SVIL: variants seen among roughly 807,000 people sequenced by gnomAD.
SVIL encodes archvillin.
A neutral mutation model predicts 240.4 loss-of-function variants in SVIL; 101 were observed. The ratio of observed to expected loss-of-function variants is 0.42; its 90% CI spans 0.36 to 0.50. The LOEUF (loss-of-function observed/expected upper bound fraction) is 0.50. Among genes scored for constraint, SVIL ranks in the 20% least tolerant of loss-of-function variants. SVIL has a pLI of 0.01. For missense variants in SVIL, 2,512 were observed against 2,818.7 expected (o/e 0.89, Z 2.46); for synonymous variants, 999 against 1,100.0 (o/e 0.91, Z 1.82).
At chr10:29,644,382 C>T (rs1958587787) in intron 3 of SVIL, among the ~76,000 whole-genome samples, 1 of 152,150 alleles carries the variant, frequency 6.6e-6, no homozygotes, top group South Asian at 2.1e-4. Flanking sequence ...GGAGCCTTCT[C>T]TGAGCATGTT....
Position 29,533,022 on chromosome 10 carries a change from G to T in SVIL, c.1345C>A (p.Leu449Ile). Reference sequence around the variant, plus strand: ...AGTAGGGTTTTCTTGCTTTGCTCGAGAGCTTCAGTGAAGCACACATCTTCT... The same window carrying T: ...AGTAGGGTTTTCTTGCTTTGCTCGATAGCTTCAGTGAAGCACACATCTTCT... ...KEEDVCFTEA[L>I]EQSKKTLLAL... The change falls in exon 8 of 38, where the codon CTC becomes ATC. Residue 449 changes from leucine (L) to isoleucine (I), a missense_variant. Physicochemically the swap from Leu to Ile is conservative, Grantham distance 5. Around this residue, in one of 3 missense-constraint regions of SVIL, gnomAD observed 1,443 missense variants for 1,486.6 expected, o/e 0.97. Coordinates refer to ENST00000355867, the MANE Select transcript of SVIL (RefSeq NM_021738.3). 2 of 1,614,062 alleles carry T rather than the reference G, an allele frequency of 1.2e-6. No individual in the cohort carries two copies. The highest frequency in any genetic ancestry group is 1.7e-6 in the Non-Finnish European group (2 of 1,180,012).
At chr10:29,508,946 G>A (rs1275637598) in intron 17 of SVIL, among the ~76,000 whole-genome samples, 1 of 152,234 alleles carries the variant, frequency 6.6e-6, no homozygotes, top group Non-Finnish European at 1.5e-5. Context: ...CGAATAAACC[G>A]AAATAGGGAT....
intron 1 of SVIL, among the ~76,000 whole-genome samples, chr10:29,572,763 C>CA (rs375180538): frequency 0.073 from 5,910 of 81,068 alleles, 295 homozygotes; most frequent in Middle Eastern, 0.085. Flanking sequence ...GATCCTATCT[C>CA]AAAAAAAAAA....
chr10:29,712,597 C>T (rs1190647005), intron 1 of SVIL, among the ~76,000 whole-genome samples: 1 of 152,186 alleles, frequency 6.6e-6, no homozygotes, highest in Non-Finnish European at 1.5e-5. Flanking sequence ...ATTACCCAAC[C>T]TCAGGTATTC....
intron 17 of SVIL, among the ~76,000 whole-genome samples, chr10:29,505,281 G>A (rs1303157247): frequency 6.6e-6 from 1 of 152,048 alleles, no homozygotes; most frequent in Non-Finnish European, 1.5e-5. Context: ...AGCTAAGATT[G>A]CACCACTGCA....
chr10:29,483,919 T>C (rs1947141691), intron 27 of SVIL: 1 of 152,236 alleles, frequency 6.6e-6, no homozygotes, highest in African/African-American at 2.4e-5. Flanking sequence ...CAATATTCTA[T>C]GCTGTTTGGT....
chr10:29,661,170 G>GAA (rs560631781), intron 2 of SVIL, among the ~76,000 whole-genome samples: 23 of 118,382 alleles, frequency 1.9e-4, no homozygotes, highest in East Asian at 6.9e-4. Context: ...CGTCTCACAA[G>GAA]AAAAAAAAAA....
At chr10:29,549,739 G>A (rs1953060286) in intron 6 of SVIL, among the ~76,000 whole-genome samples, 1 of 144,352 alleles carries the variant, frequency 6.9e-6, no homozygotes, top group Admixed American at 7.0e-5. Flanking sequence ...GGATGAAGCT[G>A]GAAACCATCA....
chr10:29,482,021 CTTTTTTTTTT>C (rs35856299), intron 27 of SVIL, among the ~76,000 whole-genome samples: 44,934 of 113,946 alleles, frequency 0.39, 7,624 homozygotes, highest in East Asian at 0.63. Flanking sequence ...CTTTTCTTTT[CTTTTTTTTTT>C]TTTTTTTTTT....
intron 6 of SVIL, 141 bp from the exon 7 acceptor site, chr10:29,536,210 C>T (rs929927953): frequency 9.2e-6 from 7 of 759,046 alleles, no homozygotes; most frequent in African/African-American, 3.5e-5. Context: ...ACATGGAGTA[C>T]ACATGGTCAC....
intron 5 of SVIL, among the ~76,000 whole-genome samples, chr10:29,551,587 CCT>C (rs1448850425): frequency 2.0e-5 from 3 of 152,164 alleles, no homozygotes; most frequent in Non-Finnish European, 2.9e-5. Flanking sequence ...ACTGATTTAC[CCT>C]TTTTTGTGGA....
At chr10:29,725,028 C>CAAAAAAAA in intron 1 of SVIL, among the ~76,000 whole-genome samples, 1 of 40,922 alleles carries the variant, frequency 2.4e-5, no homozygotes, top group Non-Finnish European at 4.5e-5. Flanking sequence ...GACCCGGTCT[C>CAAAAAAAA]AAAAAAAAAA....
intron 1 of SVIL, among the ~76,000 whole-genome samples, chr10:29,693,094 T>C (rs184484605): frequency 6.6e-4 from 101 of 152,202 alleles, no homozygotes; most frequent in African/African-American, 2.0e-3. Context: ...CTCCGAGTGT[T>C]TTCCATATGT....
intron 1 of SVIL, among the ~76,000 whole-genome samples, chr10:29,578,996 A>G (rs982209326): frequency 6.6e-6 from 1 of 152,238 alleles, no homozygotes; most frequent in Non-Finnish European, 1.5e-5. Context: ...AGAACATGCT[A>G]AAGATTCGCT....
intron 1 of SVIL, among the ~76,000 whole-genome samples, chr10:29,590,994 G>A (rs1432743726): frequency 6.6e-6 from 1 of 152,192 alleles, no homozygotes; most frequent in East Asian, 1.9e-4. Flanking sequence ...GAAATTAAAT[G>A]TTAGCAAATT....
intron 17 of SVIL, among the ~76,000 whole-genome samples, chr10:29,511,316 C>G (rs58154564): frequency 7.9e-6 from 1 of 126,936 alleles, no homozygotes; most frequent in African/African-American, 2.9e-5. Context: ...CACCAGGAAC[C>G]TCTTTTGCTT....
At chr10:29,491,098 A>G in intron 21 of SVIL, 79 bp from the exon 22 acceptor site, 2 of 1,437,938 alleles carry the variant, frequency 1.4e-6, no homozygotes, top group Non-Finnish European at 1.8e-6. Context: ...GGACTCCACA[A>G]AGTATTTCCT....
At chr10:29,541,766 C>T (rs865892603) in intron 6 of SVIL, among the ~76,000 whole-genome samples, 6 of 149,402 alleles carry the variant, frequency 4.0e-5, no homozygotes, top group Middle Eastern at 6.8e-3. Context: ...TGACAGCTTT[C>T]ATCATGAGAC....
intron 1 of SVIL, among the ~76,000 whole-genome samples, chr10:29,591,947 G>A (rs2132806822): frequency 6.6e-6 from 1 of 152,300 alleles, no homozygotes; most frequent in South Asian, 2.1e-4. Flanking sequence ...TAATGCTCAT[G>A]GGACATAAAG....
Sources: allele counts gnomAD v4.1 joint callset (sites outside exome capture counted in the v4.1 genomes callset), GRCh38; gene constraint gnomAD v4.1.1; regional missense constraint gnomAD v4.1.1; transcripts MANE v1.5; gene names NCBI Gene and HGNC (gene_info 2026-07-23, HGNC 2026-07-21).